PHGDH: variants seen among roughly 807,000 people sequenced by gnomAD.
The protein encoded by PHGDH is D-3-phosphoglycerate dehydrogenase.
Under a neutral mutation model 52.6 loss-of-function variants are expected in PHGDH, and 50 were observed. The ratio of observed to expected loss-of-function variants is 0.95; its 90% confidence interval spans 0.76 to 1.20. The LOEUF is 1.20. Ranked by LOEUF, PHGDH falls within the 50% of genes most tolerant of loss-of-function variation. PHGDH has a pLI of 0.00. For synonymous variants in PHGDH, 271 were observed against 280.5 expected (o/e 0.97, Z 0.34); for missense variants, 630 against 684.6 (o/e 0.92, Z 0.89).
At chr1:119,723,513 A>T in intron 3 of PHGDH, 72 bp downstream of exon 3, 7 of 1,169,194 alleles carry the variant, frequency 6.0e-6, no homozygotes, top group Non-Finnish European at 9.0e-6. Flanking sequence ...AAGCAAATGG[A>T]CCCAGAAAAA....
intron 3 of PHGDH, chr1:119,724,599 C>A (rs1651318979): frequency 5.4e-6 from 2 of 369,196 alleles, no homozygotes; most frequent in East Asian, 7.2e-5. Flanking sequence ...GAGTGTCTCT[C>A]CCCCTGGAGA....
intron 3 of PHGDH, among the ~76,000 whole-genome samples, chr1:119,725,569 C>T (rs770169794): frequency 1.3e-5 from 2 of 152,208 alleles, no homozygotes; most frequent in Non-Finnish European, 2.9e-5. Flanking sequence ...TGGCTTGGTA[C>T]TGAAGTTCTT....
At position 119,728,722 on chromosome 1, in the gene PHGDH, C is replaced by T. The variant is rs906223185; in HGVS notation, c.510+1620C>T. Among the ~76,000 whole-genome samples the T allele has an allele frequency of 2.0e-5, 3 of 152,098 alleles. No individual in the cohort carries two copies. The South Asian group carries it at 6.2e-4, about 32-fold the overall frequency. ...TCCCAGATAGGCCAAAGAGATGAAC[C>T]CACTAAGGCTACTATGGGACATCTC... is the stretch of plus-strand genomic sequence containing the variant. On this transcript the variant is annotated intron_variant, in intron 5 of 11. Transcript: ENST00000641023.
In PHGDH at chr1:119,729,464, C is replaced by T. The variant is rs77570897; in HGVS notation, c.510+2362C>T. The T allele has an allele frequency of 9.8e-5, 15 of 152,386 alleles. No individual in the cohort carries two copies. In the East Asian group the frequency reaches 2.9e-3, roughly 29 times the overall value. 9.4% of individuals were successfully genotyped at this position (152,386 alleles called of 1,614,324 possible). A position where few individuals can be genotyped will look rare whatever the true frequency, so the allele number is the denominator to read the frequency against. ...CCAGTGGCCGTTCCAAGGCTCCTGC[C>T]CCCTTCCCCAGGGGGTCCTCTTCCC... is the stretch of plus-strand genomic sequence containing the variant. On this transcript the variant is annotated intron_variant, in intron 5 of 11. Coordinates refer to ENST00000641023, the MANE Select transcript of PHGDH (RefSeq NM_006623.4).
intron 1 of PHGDH, chr1:119,720,546 AG>A (rs1446984436): frequency 6.2e-6 from 1 of 160,302 alleles, no homozygotes; most frequent in African/African-American, 2.4e-5. Context: ...AAGCGTCGCC[AG>A]ATACTGTGCT....
rs114764065 is a variant in PHGDH, at chr1:119,741,254, G to A, written c.1079-513G>A. 3.3e-3 allele frequency among the ~76,000 whole-genome samples: 498 copies of A among 152,286 alleles called. 6 individuals are homozygous for A. The highest frequency in any genetic ancestry group is 0.012 in the African/African-American group (482 of 41,562). Reference sequence around the variant, plus strand: ...GTTGGGCAGAGATTGCAGGGAGAGGGCAGCTAAACCCTAGGCATTGACAAT... The same window carrying A: ...GTTGGGCAGAGATTGCAGGGAGAGGACAGCTAAACCCTAGGCATTGACAAT... On this transcript the variant is annotated intron_variant, in intron 9 of 11. Transcript: ENST00000641023.
At chr1:119,741,946 C>T (rs1652229491) in intron 10 of PHGDH, 49 bp downstream of exon 10, 3 of 1,515,530 alleles carry the variant, frequency 2.0e-6, no homozygotes, top group Non-Finnish European at 2.7e-6. Flanking sequence ...CAGCACTAGT[C>T]TTCTCCCCCA....
intron 5 of PHGDH, among the ~76,000 whole-genome samples, chr1:119,730,552 A>C (rs587674415): frequency 3.9e-5 from 6 of 152,330 alleles, no homozygotes; most frequent in African/African-American, 1.4e-4. Flanking sequence ...AAACAATAGA[A>C]TATTGTTTGT....
rs587641332 is a variant in PHGDH, at chr1:119,725,325, T to G, written c.357-1526T>G. ...AGAGAAAAGGGTTAGGGATTTCTTG[T>G]GTTCTGTGGTGCCGCACGCATACAT... On this transcript the variant is annotated intron_variant, in intron 3 of 11. Coordinates refer to ENST00000641023, the MANE Select transcript of PHGDH (RefSeq NM_006623.4). Among the ~76,000 whole-genome samples, 194 of 152,268 alleles carry G rather than the reference T, an allele frequency of 1.3e-3. 1 individual carries two copies. Among genetic ancestry groups the G allele is most frequent in the Non-Finnish European group, 2.2e-3 (149 of 68,018 alleles).
intron 5 of PHGDH, among the ~76,000 whole-genome samples, chr1:119,731,595 C>T (rs587623940): frequency 3.3e-5 from 5 of 152,298 alleles, no homozygotes; most frequent in East Asian, 3.9e-4. Context: ...TCTACTGTGT[C>T]GGTTCCTGTG....
chr1:119,741,901 C>G lies in PHGDH; in HGVS notation c.1209+4C>G. 1.2e-6 allele frequency: 2 copies of G among 1,612,006 alleles called. No individual in the cohort carries two copies. Among genetic ancestry groups the G allele is most frequent in the Non-Finnish European group, 1.7e-6 (2 of 1,178,230 alleles). On this transcript the variant is annotated splice_donor_region_variant and intron_variant, in intron 10 of 11. Transcript: ENST00000641023. Reference sequence around the variant, plus strand: ...GGTGAAAGAGGCTGGCCTCAATGTGCGCCCCTCTCCCCCACGCTGCCTCCC... The same window carrying G: ...GGTGAAAGAGGCTGGCCTCAATGTGGGCCCCTCTCCCCCACGCTGCCTCCC...
At chr1:119,713,736 G>C (rs587603044) in intron 1 of PHGDH, among the ~76,000 whole-genome samples, 1 of 152,132 alleles carries the variant, frequency 6.6e-6, no homozygotes, top group African/African-American at 2.4e-5. Flanking sequence ...AAGGCAGTGG[G>C]GTGTCCTGCA....
Position 119,726,898 on chromosome 1 carries a change from GGAA to G in PHGDH, c.409_411del (p.Lys137del). ...TCGATGAAGGACGGCAAATGGGAGC[GGAA>G]GAAGGTGAGCAGCGGCCTTGACTCG... On this transcript the variant is annotated inframe_deletion, in exon 4 of 12. Coordinates refer to ENST00000641023, the MANE Select transcript of PHGDH (RefSeq NM_006623.4). 6.2e-7 allele frequency: 1 copy of G among 1,614,122 alleles called. No individual in the cohort carries two copies. The highest frequency in any genetic ancestry group is 8.5e-7 in the Non-Finnish European group (1 of 1,179,926).
intron 5 of PHGDH, among the ~76,000 whole-genome samples, chr1:119,730,414 T>C (rs1449630815): frequency 6.6e-6 from 1 of 152,204 alleles, no homozygotes; most frequent in African/African-American, 2.4e-5. Flanking sequence ...GACAAGGCTA[T>C]ACTTGATTAC....
chr1:119,744,190 C>T lies in PHGDH; in HGVS notation c.*150C>T. Reference sequence around the variant, plus strand: ...CTCTGACCCTGTAGTACAGCAATAACCGTCTAATAAAGAGCCTACCCCCAA... The same window carrying T: ...CTCTGACCCTGTAGTACAGCAATAATCGTCTAATAAAGAGCCTACCCCCAA... On this transcript the variant is annotated 3_prime_UTR_variant, in exon 12 of 12. Coordinates refer to ENST00000641023, the MANE Select transcript of PHGDH (RefSeq NM_006623.4). 1.3e-6 allele frequency: 1 copy of T among 752,526 alleles called. No individual in the cohort carries two copies. Among genetic ancestry groups the T allele is most frequent in the Non-Finnish European group, 2.4e-6 (1 of 424,296 alleles). 46.6% of individuals were successfully genotyped at this position (752,526 alleles called of 1,614,324 possible).
At chr1:119,736,168 G>A (rs1291543215) in intron 7 of PHGDH, among the ~76,000 whole-genome samples, 1 of 152,204 alleles carries the variant, frequency 6.6e-6, no homozygotes, top group Non-Finnish European at 1.5e-5. Context: ...CTGAGCCCCT[G>A]TAGCACTCAC....
intron 5 of PHGDH, among the ~76,000 whole-genome samples, chr1:119,728,300 G>A (rs1651537154): frequency 6.6e-6 from 1 of 152,124 alleles, no homozygotes; most frequent in African/African-American, 2.4e-5. Context: ...TTTCCTTCCT[G>A]CTTTTGTTTT....
chr1:119,716,680 C>A (rs587775659), intron 1 of PHGDH, among the ~76,000 whole-genome samples: 22 of 152,222 alleles, frequency 1.4e-4, no homozygotes, highest in African/African-American at 5.1e-4. Flanking sequence ...CCTCTTGCTC[C>A]ATGCCTGCTT....
intron 9 of PHGDH, among the ~76,000 whole-genome samples, chr1:119,741,495 G>A (rs1652204823): frequency 6.6e-6 from 1 of 152,224 alleles, no homozygotes; most frequent in Non-Finnish European, 1.5e-5. Context: ...GCCAAGCCAG[G>A]TGCAGGGTTG....
Sources: allele counts gnomAD v4.1 joint callset (sites outside exome capture counted in the v4.1 genomes callset), GRCh38; gene constraint gnomAD v4.1.1; transcripts MANE v1.5; gene names NCBI Gene and HGNC (gene_info 2026-07-23, HGNC 2026-07-21).